PLPPR5: variants seen among roughly 807,000 people sequenced by gnomAD.
PLPPR5 encodes the protein phospholipid phosphatase related 5.
PLPPR5 carries 16 observed loss-of-function variants against 33.9 expected under a neutral mutation model. That is an observed-to-expected ratio of 0.47 (90% CI 0.32 to 0.72). The LOEUF is 0.72. Among genes scored for constraint, PLPPR5 ranks in the 30% least tolerant of loss-of-function variants. PLPPR5 has a pLI of 0.03. For missense variants in PLPPR5, 301 were observed against 406.7 expected (o/e 0.74, Z 2.23); for synonymous variants, 163 against 150.3 (o/e 1.08, Z -0.62).
chr1:98,926,083 G>A (rs1649748360), intron 3 of PLPPR5, among the ~76,000 whole-genome samples: 1 of 152,034 alleles, frequency 6.6e-6, no homozygotes, highest in Non-Finnish European at 1.5e-5. Flanking sequence ...TCCACTAATT[G>A]TTTATTTGCA....
intron 3 of PLPPR5, among the ~76,000 whole-genome samples, chr1:98,931,397 C>A (rs1228011247): frequency 6.6e-6 from 1 of 152,128 alleles, no homozygotes; most frequent in Non-Finnish European, 1.5e-5. Flanking sequence ...CATTGGTACT[C>A]AACAACAGAG....
intron 1 of PLPPR5, among the ~76,000 whole-genome samples, chr1:98,991,811 T>C (rs1385405172): frequency 2.0e-5 from 3 of 152,120 alleles, no homozygotes; most frequent in Admixed American, 6.6e-5. Context: ...CCTGTCCCAG[T>C]TGGAGTTCAA....
intron 3 of PLPPR5, among the ~76,000 whole-genome samples, chr1:98,922,827 T>C (rs2101163521): frequency 6.6e-6 from 1 of 151,888 alleles, no homozygotes; most frequent in East Asian, 1.9e-4. Context: ...CTACTAAGAA[T>C]ACAAAAAATC....
chr1:98,973,314 G>A (rs1401255044), intron 1 of PLPPR5, among the ~76,000 whole-genome samples: 2 of 125,742 alleles, frequency 1.6e-5, no homozygotes, highest in East Asian at 2.0e-4. Flanking sequence ...GTAAATGTAG[G>A]GATTGACAGT....
intron 4 of PLPPR5, among the ~76,000 whole-genome samples, chr1:98,918,045 T>C (rs1440339964): frequency 6.6e-6 from 1 of 152,236 alleles, no homozygotes; most frequent in African/African-American, 2.4e-5. Flanking sequence ...CCTACCAAGA[T>C]GATATGAGTA....
intron 5 of PLPPR5, among the ~76,000 whole-genome samples, chr1:98,907,288 G>GC (rs1367774307): frequency 6.9e-6 from 1 of 144,548 alleles, no homozygotes; most frequent in Non-Finnish European, 1.5e-5. Flanking sequence ...TGCAACCTCT[G>GC]CCCCCCAGGT....
chr1:98,953,321 CTG>C lies in PLPPR5; in HGVS notation c.371-3_371-2del. On this transcript the variant is annotated splice_acceptor_variant and splice_polypyrimidine_tract_variant and intron_variant, in intron 2 of 5. Transcript: ENST00000263177. LOFTEE classifies it high-confidence loss of function. ...GCAAACAGTCCAAATGTATAAATTCCTGGGGAAGAAAACAAATAATTTTAACT... is the reference window on the plus strand; with the variant it reads ...GCAAACAGTCCAAATGTATAAATTCCGGGAAGAAAACAAATAATTTTAACT... 1 of 1,610,862 alleles carries C rather than the reference CTG, an allele frequency of 6.2e-7. No individual in the cohort carries two copies. The highest frequency in any genetic ancestry group is 8.5e-7 in the Non-Finnish European group (1 of 1,179,070).
At chr1:98,984,312 C>T (rs1171208343) in intron 1 of PLPPR5, among the ~76,000 whole-genome samples, 2 of 152,014 alleles carry the variant, frequency 1.3e-5, no homozygotes, top group Non-Finnish European at 2.9e-5. Flanking sequence ...TATATTTGTT[C>T]TAAGGGAACC....
chr1:98,952,951 T>C (rs1433183896), intron 3 of PLPPR5, 119 bp downstream of exon 3: 8 of 1,223,526 alleles, frequency 6.5e-6, no homozygotes, highest in Non-Finnish European at 9.0e-6. Flanking sequence ...TTAAATGGCC[T>C]ACAGAAAGAT....
At chr1:98,944,945 C>T (rs1367462139) in intron 3 of PLPPR5, among the ~76,000 whole-genome samples, 2 of 152,140 alleles carry the variant, frequency 1.3e-5, no homozygotes, top group East Asian at 1.9e-4. Context: ...AAAGCAGACT[C>T]GAGCATGTTA....
intron 1 of PLPPR5, among the ~76,000 whole-genome samples, chr1:98,989,854 G>T (rs1010171482): frequency 6.6e-6 from 1 of 152,052 alleles, no homozygotes; most frequent in Non-Finnish European, 1.5e-5. Flanking sequence ...TATATAACCA[G>T]ACTCCTCTGC....
In PLPPR5 at chr1:98,939,359, G is replaced by T. The variant is rs767298110; in HGVS notation, c.621+13711C>A. Among the ~76,000 whole-genome samples, 13 of 148,418 alleles carry T rather than the reference G, an allele frequency of 8.8e-5. 1 individual carries two copies. Among genetic ancestry groups the T allele is most frequent in the Admixed American group, 2.0e-4 (3 of 14,828 alleles). ...CTAGGTGCACCACTGAAGATGTGCA[G>T]ATTAATTTTAAATAAAAAGATGAGA... is the stretch of plus-strand genomic sequence containing the variant. On this transcript the variant is annotated intron_variant, in intron 3 of 5. Transcript: ENST00000263177.
At chr1:99,000,992 A>C (rs1200518177) in intron 1 of PLPPR5, among the ~76,000 whole-genome samples, 1 of 152,154 alleles carries the variant, frequency 6.6e-6, no homozygotes, top group African/African-American at 2.4e-5. Context: ...GTGAACTCTT[A>C]TGGAGTATCA....
At chr1:98,955,505 G>T (rs555948603) in intron 2 of PLPPR5, among the ~76,000 whole-genome samples, 1 of 152,044 alleles carries the variant, frequency 6.6e-6, no homozygotes, top group South Asian at 2.1e-4. Context: ...AACTTTTAAG[G>T]TTTCATATAA....
At chr1:98,956,817 G>A in intron 1 of PLPPR5, 76 bp from the exon 2 acceptor site, 1 of 1,128,008 alleles carries the variant, frequency 8.9e-7, no homozygotes, top group South Asian at 2.0e-5. Context: ...TTTTAAAAAT[G>A]TAAAATGGAG....
At chr1:98,951,730 C>T (rs932405896) in intron 3 of PLPPR5, among the ~76,000 whole-genome samples, 1 of 152,162 alleles carries the variant, frequency 6.6e-6, no homozygotes, top group South Asian at 2.1e-4. Flanking sequence ...AGAGATGTCA[C>T]AAGGTATTCC....
intron 3 of PLPPR5, among the ~76,000 whole-genome samples, chr1:98,952,649 T>C (rs965135681): frequency 6.6e-6 from 1 of 152,188 alleles, no homozygotes; most frequent in Non-Finnish European, 1.5e-5. Context: ...GTAATAATAG[T>C]GCTTTCTAGA....
rs1440682096 is a variant in PLPPR5, at chr1:98,891,607, G to T, written c.*1465C>A. 2 of 151,978 alleles carry T rather than the reference G, an allele frequency of 1.3e-5. No individual in the cohort carries two copies. Among genetic ancestry groups the T allele is most frequent in the African/African-American group, 4.8e-5 (2 of 41,402 alleles). 9.4% of individuals were successfully genotyped at this position (151,978 alleles called of 1,614,324 possible). On this transcript the variant is annotated 3_prime_UTR_variant, in exon 6 of 6. Coordinates refer to ENST00000263177, the MANE Select transcript of PLPPR5 (RefSeq NM_001037317.2). Reference sequence around the variant, plus strand: ...GAGGCTGGGACCTGGGGGTGAGGGTGGAAGGGGAGATGCTGAATTTAGGCT... The same window carrying T: ...GAGGCTGGGACCTGGGGGTGAGGGTTGAAGGGGAGATGCTGAATTTAGGCT...
At chr1:98,957,373 CA>C (rs1397154566) in intron 1 of PLPPR5, among the ~76,000 whole-genome samples, 1 of 151,010 alleles carries the variant, frequency 6.6e-6, no homozygotes, top group Non-Finnish European at 1.5e-5. Flanking sequence ...AAATTATGAA[CA>C]AAAATAGACA....
Sources: gnomAD v4.1 joint callset for allele counts (sites outside exome capture counted in the v4.1 genomes callset) on GRCh38, gnomAD v4.1.1 for gene constraint, MANE v1.5 for transcripts, NCBI Gene and HGNC (gene_info 2026-07-23, HGNC 2026-07-21) for gene names.